ATP1A1: variants seen among roughly 807,000 people sequenced by gnomAD.
ATP1A1 encodes the protein sodium/potassium-transporting ATPase subunit alpha-1.
A neutral mutation model predicts 114.8 loss-of-function variants in ATP1A1; 14 were observed. The observed-to-expected ratio is 0.12, with a 90% CI of 0.08 to 0.19. The LOEUF (loss-of-function observed/expected upper bound fraction) is 0.19, where lower values mean the gene tolerates loss of function less well. Ranked by LOEUF, ATP1A1 falls within the 10% of genes least tolerant of loss-of-function variation. The pLI is 1.00. For synonymous variants in ATP1A1, 471 were observed against 466.3 expected (o/e 1.01, Z -0.13); for missense variants, 524 against 1,290.7 (o/e 0.41, Z 9.10).
At position 116,395,611 on chromosome 1, in the gene ATP1A1, T is replaced by C. The variant is rs774712880; in HGVS notation, c.1836+326T>C. 7.9e-5 allele frequency among the ~76,000 whole-genome samples: 12 copies of C among 152,362 alleles called. No individual in the cohort carries two copies. The Middle Eastern group carries it at 0.017, about 216-fold the overall frequency. On this transcript the variant is annotated intron_variant, in intron 13 of 22. Transcript: ENST00000295598. This position sits in a 1 kb window ranked among gnomAD's most constrained non-coding sequence, Gnocchi z 6.4. ...ACCTTATGCAATGAATGGCATATCT[T>C]CTGTGTTTTCAGTTAACTGTTTGTT...
chr1:116,389,864 T>G lies in ATP1A1; in HGVS notation c.1023+157T>G. ...CACATCACGTGGTGAATTTTGACAGTGAGAAAACCTCAGCATTTGTTTATA... is the reference window on the plus strand; with the variant it reads ...CACATCACGTGGTGAATTTTGACAGGGAGAAAACCTCAGCATTTGTTTATA... On this transcript the variant is annotated intron_variant, in intron 8 of 22. Coordinates refer to ENST00000295598, the MANE Select transcript of ATP1A1 (RefSeq NM_000701.8). This position sits in a 1 kb window ranked among gnomAD's most constrained non-coding sequence, Gnocchi z 6.9. 1 of 1,126,878 alleles carries G rather than the reference T, an allele frequency of 8.9e-7. No homozygotes were observed. Among genetic ancestry groups the G allele is most frequent in the Non-Finnish European group, 1.2e-6 (1 of 812,790 alleles). 69.8% of individuals were successfully genotyped at this position (1,126,878 alleles called of 1,614,324 possible).
rs892024166 is a variant in ATP1A1 at position 116,399,641 on chromosome 1, A to C, written c.2572+98A>C. The C allele has an allele frequency of 1.3e-4, 193 of 1,534,082 alleles. No individual in the cohort carries two copies. The highest frequency in any genetic ancestry group is 1.6e-4 in the Non-Finnish European group (186 of 1,132,764). On this transcript the variant is annotated intron_variant, in intron 18 of 22. Coordinates refer to ENST00000295598, the MANE Select transcript of ATP1A1 (RefSeq NM_000701.8). This position sits in a 1 kb window ranked among gnomAD's most constrained non-coding sequence, Gnocchi z 5.0. ...GGTTGATTTCAGAGACTGCAAATCC[A>C]GGCGACTTTCAGGTCTAGGATGAGC... is the stretch of plus-strand genomic sequence containing the variant.
Position 116,389,128 on chromosome 1 carries a change from CT to C in ATP1A1, c.754+111del. ...GTTTTATTGGCTCCATTTCTGAGAA[CT>C]TGTGTCAAGCACAGAGCAGAGGTGT... is the stretch of plus-strand genomic sequence containing the variant. On this transcript the variant is annotated intron_variant, in intron 7 of 22. Coordinates refer to ENST00000295598, the MANE Select transcript of ATP1A1 (RefSeq NM_000701.8). The surrounding 1 kb of genome is among the most constrained non-coding windows in gnomAD (Gnocchi z 6.9). 8.8e-7 allele frequency: 1 copy of C among 1,140,928 alleles called. No homozygotes were observed. Among genetic ancestry groups the C allele is most frequent in the South Asian group, 1.4e-5 (1 of 71,470 alleles). 70.7% of individuals were successfully genotyped at this position (1,140,928 alleles called of 1,614,324 possible). A position where few individuals can be genotyped will look rare whatever the true frequency, so the allele number is the denominator to read the frequency against.
At chr1:116,402,414 T>C (rs7519176) in intron 21 of ATP1A1, among the ~76,000 whole-genome samples, 12,822 of 152,260 alleles carry the variant, frequency 0.084, 1,268 homozygotes, top group African/African-American at 0.24. Flanking sequence ...TTTGAATTCC[T>C]GCTGTCCTCA....
At position 116,399,179 on chromosome 1, in the gene ATP1A1, T is replaced by C. The variant is rs543586583; in HGVS notation, c.2448+95T>C. On this transcript the variant is annotated intron_variant, in intron 17 of 22. Coordinates refer to ENST00000295598, the MANE Select transcript of ATP1A1 (RefSeq NM_000701.8). The surrounding 1 kb of genome is among the most constrained non-coding windows in gnomAD (Gnocchi z 5.0). ...GCTCCCAGCATCCATGAGGCTGGCG[T>C]TGGGAAAAGAAATTCTCAGGACCAG... 2.6e-5 allele frequency: 41 copies of C among 1,560,620 alleles called. No individual in the cohort carries two copies. Among genetic ancestry groups the C allele is most frequent in the Non-Finnish European group, 3.2e-5 (36 of 1,142,426 alleles).
rs757060784 is a variant in ATP1A1, at chr1:116,388,267, C to T, written c.501+23C>T. 2 of 1,554,598 alleles carry T rather than the reference C, an allele frequency of 1.3e-6. No individual in the cohort carries two copies. Among genetic ancestry groups the T allele is most frequent in the Admixed American group, 1.7e-5 (1 of 59,838 alleles). Reference sequence around the variant, plus strand: ...CAGGTACCAGACGCTTTGTCCTTCCCCAGTGGATGACTTGACAGCCCCAAG... The same window carrying T: ...CAGGTACCAGACGCTTTGTCCTTCCTCAGTGGATGACTTGACAGCCCCAAG... On this transcript the variant is annotated intron_variant, in intron 5 of 22. Transcript: ENST00000295598. This position sits in a 1 kb window ranked among gnomAD's most constrained non-coding sequence, Gnocchi z 5.6.
At chr1:116,380,943 A>G (rs1453112122) in intron 1 of ATP1A1, among the ~76,000 whole-genome samples, 3 of 151,984 alleles carry the variant, frequency 2.0e-5, no homozygotes, top group Admixed American at 6.6e-5. Context: ...AAAAAAAACC[A>G]TAACCCAACT....
intron 12 of ATP1A1, among the ~76,000 whole-genome samples, chr1:116,394,323 CAG>C: frequency 6.6e-6 from 1 of 152,320 alleles, no homozygotes; most frequent in East Asian, 1.9e-4. Context: ...TGTAGGTTGA[CAG>C]ATACTACATT....
chr1:116,380,672 G>A (rs557386633), intron 1 of ATP1A1, among the ~76,000 whole-genome samples: 18 of 152,182 alleles, frequency 1.2e-4, no homozygotes, highest in Non-Finnish European at 2.4e-4. Context: ...GTGAGGATTC[G>A]GTATATATTT....
Position 116,396,682 on chromosome 1 carries a change from G to A in ATP1A1, c.1921G>A (p.Val641Met), listed in dbSNP as rs769421768. ...VGIISEGNET[V>M]EDIAARLNIP... is the part of the protein sequence containing the mutation. ...CATCATCTCAGAAGGCAATGAGACC[G>A]TGGAAGACATTGCTGCCCGCCTCAA... The change falls in exon 14 of 23, where the codon GTG (valine) becomes ATG (methionine). Residue 641 changes from valine (V) to methionine (M), a missense_variant. This residue lies in a region of ATP1A1 where 47 missense variants were observed against 79.8 expected (regional missense o/e 0.59). Transcript: ENST00000295598. 28 of 1,606,578 alleles carry A rather than the reference G, an allele frequency of 1.7e-5. No individual in the cohort carries two copies. The highest frequency in any genetic ancestry group is 1.3e-4 in the South Asian group (12 of 90,216).
In ATP1A1 at chr1:116,398,272, C is replaced by A. The variant is rs924663683; in HGVS notation, c.2124+234C>A. Among the ~76,000 whole-genome samples, 10 of 152,118 alleles carry A rather than the reference C, an allele frequency of 6.6e-5. No homozygotes were observed. The highest frequency in any genetic ancestry group is 2.2e-4 in the African/African-American group (9 of 41,404). On this transcript the variant is annotated intron_variant, in intron 15 of 22. Transcript: ENST00000295598. The surrounding 1 kb of genome is among the most constrained non-coding windows in gnomAD (Gnocchi z 6.1). ...ACTGTGTCCCAGAGCCTGACCGCTC[C>A]GTGGAGTCATCTGATATGGGGTCCT...
At chr1:116,402,795 C>G (rs1460956000) in intron 21 of ATP1A1, among the ~76,000 whole-genome samples, 1 of 152,252 alleles carries the variant, frequency 6.6e-6, no homozygotes, top group African/African-American at 2.4e-5. Context: ...CCTCCAGGGC[C>G]TGTGCACTTG....
rs1312834908 is a variant in ATP1A1 at position 116,398,706 on chromosome 1, C to T, written c.2210C>T (p.Ala737Val). The T allele has an allele frequency of 6.2e-7, 1 of 1,614,150 alleles. No homozygotes were observed. Residue 737 changes from alanine to valine, a missense_variant, in exon 16 of 23, where the codon GCT becomes GTT. Ala to Val is a moderately conservative substitution (Grantham distance 64, BLOSUM62 0). This residue lies in a region of ATP1A1 where 36 missense variants were observed against 199.6 expected (regional missense o/e 0.18). Transcript: ENST00000295598. This position sits in a 1 kb window ranked among gnomAD's most constrained non-coding sequence, Gnocchi z 6.1. ...GACATTGGGGTTGCTATGGGGATTG[C>T]TGGCTCAGATGTGTCCAAGCAAGCT... Reference protein sequence around the residue: ...KADIGVAMGIAGSDVSKQAAD... With the variant: ...KADIGVAMGIVGSDVSKQAAD...
Position 116,401,722 on chromosome 1 carries a change from T to G in ATP1A1, c.2951+67T>G. On this transcript the variant is annotated intron_variant, in intron 21 of 22. Coordinates refer to ENST00000295598, the MANE Select transcript of ATP1A1 (RefSeq NM_000701.8). This position sits in a 1 kb window ranked among gnomAD's most constrained non-coding sequence, Gnocchi z 4.7. ...ATGTGTGGCTTTTCCCCCCATTACT[T>G]GTGGTAATAGTTGTTATTTTCAGAA... The G allele has an allele frequency of 2.0e-6, 3 of 1,481,570 alleles. No individual in the cohort carries two copies. Among genetic ancestry groups the G allele is most frequent in the African/African-American group, 1.4e-5 (1 of 71,828 alleles). The allele number at this position is 1,481,570 out of a possible 1,614,324, so 91.8% of individuals were successfully genotyped here.
chr1:116,373,415 T>C lies in ATP1A1; in HGVS notation c.-97T>C, dbSNP rs1296458192. The C allele has an allele frequency of 3.6e-6, 3 of 824,322 alleles. No homozygotes were observed. The highest frequency in any genetic ancestry group is 5.2e-6 in the Non-Finnish European group (3 of 572,954). The allele number at this position is 824,322 out of a possible 1,614,324, so 51.1% of individuals were successfully genotyped here. A position where few individuals can be genotyped will look rare whatever the true frequency, so the allele number is the denominator to read the frequency against. ...GCAGCCCTAGCTCCCTCCACTTGGC[T>C]CCCCTGGTCCCGCTCGCTCGGCCGG... is the stretch of plus-strand genomic sequence containing the variant. On this transcript the variant is annotated 5_prime_UTR_variant, in exon 1 of 23. Coordinates refer to ENST00000295598, the MANE Select transcript of ATP1A1 (RefSeq NM_000701.8).
At position 116,397,823 on chromosome 1, in the gene ATP1A1, G is replaced by A. The variant is rs1353363712; in HGVS notation, c.1974-65G>A. The A allele has an allele frequency of 1.4e-5, 21 of 1,550,506 alleles. No individual in the cohort carries two copies. The Middle Eastern group carries it at 5.2e-4, about 38-fold the overall frequency. ...GATCTGCATAAGAATATCCCCTCTT[G>A]AGGTGATGGACACATGCTGGTGATG... On this transcript the variant is annotated intron_variant, in intron 14 of 22. Transcript: ENST00000295598. The surrounding 1 kb of genome is among the most constrained non-coding windows in gnomAD (Gnocchi z 4.2).
In ATP1A1 at chr1:116,388,893, C is replaced by T; in HGVS notation, c.637-9C>T. 6.2e-7 allele frequency: 1 copy of T among 1,613,554 alleles called. No homozygotes were observed. Among genetic ancestry groups the T allele is most frequent in the Non-Finnish European group, 8.5e-7 (1 of 1,179,790 alleles). ...CACATGACATTTTTCTTCTTTTCCTCACATATAGGTGGATAACTCCTCGCT... is the reference window on the plus strand; with the variant it reads ...CACATGACATTTTTCTTCTTTTCCTTACATATAGGTGGATAACTCCTCGCT... On this transcript the variant is annotated splice_polypyrimidine_tract_variant and intron_variant, in intron 6 of 22. Coordinates refer to ENST00000295598, the MANE Select transcript of ATP1A1 (RefSeq NM_000701.8). The surrounding 1 kb of genome is among the most constrained non-coding windows in gnomAD (Gnocchi z 5.6).
In ATP1A1 at chr1:116,397,859, C is replaced by A. The variant is rs1179511427; in HGVS notation, c.1974-29C>A. 1 of 1,467,004 alleles carries A rather than the reference C, an allele frequency of 6.8e-7. No homozygotes were observed. The highest frequency in any genetic ancestry group is 2.4e-5 in the East Asian group (1 of 41,902). The allele number at this position is 1,467,004 out of a possible 1,614,324, so 90.9% of individuals were successfully genotyped here. The stretch of plus-strand genomic sequence containing the variant: ...CACATGCTGGTGATGTGATGCGTGA[C>A]TTTTTTTTTTTTTTTGTCCTAATTC... On this transcript the variant is annotated intron_variant, in intron 14 of 22. Transcript: ENST00000295598. The surrounding 1 kb of genome is among the most constrained non-coding windows in gnomAD (Gnocchi z 4.2).
chr1:116,374,008 G>A lies in ATP1A1; in HGVS notation c.12+485G>A, dbSNP rs1651179423. ...GGCGCGCTCCTCCCCTTCCCCTGGG[G>A]CGCTCCGCCGGGGCCTCCTCCCGGG... On this transcript the variant is annotated intron_variant, in intron 1 of 22. Coordinates refer to ENST00000295598, the MANE Select transcript of ATP1A1 (RefSeq NM_000701.8). 3.0e-6 allele frequency: 4 copies of A among 1,312,356 alleles called. 1 individual carries two copies. The South Asian group carries it at 6.7e-5, about 22-fold the overall frequency. The allele number at this position is 1,312,356 out of a possible 1,614,324, so 81.3% of individuals were successfully genotyped here.
Sources: gnomAD v4.1 joint callset for allele counts (sites outside exome capture counted in the v4.1 genomes callset) on GRCh38, gnomAD v4.1.1 for gene constraint, gnomAD v4.1.1 regional missense constraint, Gnocchi (gnomAD v3.1) non-coding constraint, MANE v1.5 for transcripts, NCBI Gene and HGNC (gene_info 2026-07-23, HGNC 2026-07-21) for gene names.